Variants in ZNF529 observed in about 807,000 individuals in gnomAD.
ZNF529 encodes the protein zinc finger protein 529.
Under a neutral mutation model 10.1 loss-of-function variants are expected in ZNF529, and 11 were observed. The observed-to-expected ratio is 1.09, with a 90% CI of 0.69 to 1.81. ZNF529 has a LOEUF of 1.81. Ranked by LOEUF, ZNF529 falls within the 40% of genes most tolerant of loss-of-function variation. The pLI is 0.00. For synonymous variants in ZNF529, 204 were observed against 215.7 expected, an observed-to-expected ratio of 0.95 and a Z score of 0.47; for missense variants, 624 against 666.8, an observed-to-expected ratio of 0.94 and a Z score of 0.71.
intron 4 of ZNF529, chr19:36,552,127 C>A (rs577444640): frequency 6.6e-6 from 1 of 152,000 alleles, no homozygotes; most frequent in East Asian, 1.9e-4. Flanking sequence ...TTTTTTAAAA[C>A]AAACAAACAA....
intron 2 of ZNF529, among the ~76,000 whole-genome samples, chr19:36,565,708 GAAAGA>G (rs2035870962): frequency 6.6e-6 from 1 of 151,914 alleles, no homozygotes; most frequent in African/African-American, 2.4e-5. Flanking sequence ...TCAAAAAAAA[GAAAGA>G]AAAGAAAACA....
chr19:36,564,513 C>T (rs2035824711), intron 2 of ZNF529, among the ~76,000 whole-genome samples: 3 of 152,184 alleles, frequency 2.0e-5, no homozygotes, highest in African/African-American at 7.2e-5. Context: ...CACCACTAAT[C>T]ATCAGAGAAA....
intron 4 of ZNF529, among the ~76,000 whole-genome samples, chr19:36,553,829 C>T (rs1483300495): frequency 1.3e-5 from 2 of 152,172 alleles, no homozygotes; most frequent in African/African-American, 4.8e-5. Flanking sequence ...TGAGCACTGA[C>T]ATGATGCTAC....
At chr19:36,589,726 A>G (rs1279711808) in intron 1 of ZNF529, 1 of 152,198 alleles carries the variant, frequency 6.6e-6, no homozygotes, top group Admixed American at 6.5e-5. Context: ...AAGACAAAAA[A>G]TATCAGTGAA....
intron 2 of ZNF529, among the ~76,000 whole-genome samples, chr19:36,588,620 G>C (rs1395088380): frequency 6.6e-6 from 1 of 152,052 alleles, no homozygotes; most frequent in Non-Finnish European, 1.5e-5. Flanking sequence ...GTGAAAATCA[G>C]AACAGTGAAT....
At chr19:36,583,069 T>G (rs2036505823) in intron 2 of ZNF529, among the ~76,000 whole-genome samples, 1 of 152,092 alleles carries the variant, frequency 6.6e-6, no homozygotes, top group African/African-American at 2.4e-5. Flanking sequence ...GTTTGTTTGT[T>G]TGTTTGTTTG....
chr19:36,570,113 C>T (rs1355298528), intron 2 of ZNF529, among the ~76,000 whole-genome samples: 1 of 152,074 alleles, frequency 6.6e-6, no homozygotes, highest in Non-Finnish European at 1.5e-5. Flanking sequence ...GTAATTCCAA[C>T]ACTTTGGGAG....
chr19:36,563,022 C>T (rs894346272), intron 2 of ZNF529, among the ~76,000 whole-genome samples: 1 of 152,152 alleles, frequency 6.6e-6, no homozygotes, highest in Non-Finnish European at 1.5e-5. Flanking sequence ...GACATTTGAA[C>T]CTGATGATGC....
At chr19:36,568,540 C>T (rs1056378688) in intron 2 of ZNF529, among the ~76,000 whole-genome samples, 11 of 150,744 alleles carry the variant, frequency 7.3e-5, no homozygotes, top group African/African-American at 2.7e-4. Flanking sequence ...GGCATGATCT[C>T]GGCTCACTGC....
intron 2 of ZNF529, 65 bp from the exon 3 acceptor site, chr19:36,556,262 T>C: frequency 2.8e-6 from 2 of 718,940 alleles, no homozygotes; most frequent in South Asian, 1.5e-5. Context: ...GCTAGGAATG[T>C]ACAGCAAATG....
intron 4 of ZNF529, 54 bp from the exon 5 acceptor site, chr19:36,548,376 G>C (rs1450204014): frequency 7.0e-7 from 1 of 1,434,752 alleles, no homozygotes; most frequent in Admixed American, 2.8e-5. Flanking sequence ...AACAGTTATA[G>C]AAAGAAGAGA....
In ZNF529 at chr19:36,548,364, A is replaced by G. The variant is rs146780991; in HGVS notation, c.236-42T>C. 4.0e-4 allele frequency: 584 copies of G among 1,463,520 alleles called. 3 individuals carry two copies. The African/African-American group carries it at 7.7e-3, about 19-fold the overall frequency. The allele number at this position is 1,463,520 out of a possible 1,614,324, so 90.7% of individuals were successfully genotyped here. ...AATAATTTTCATGTACTACAAAAAT[A>G]AAACAGTTATAGAAAGAAGAGACAA... On this transcript the variant is annotated intron_variant, in intron 4 of 4. Coordinates refer to ENST00000591340, the MANE Select transcript of ZNF529 (RefSeq NM_020951.5).
At chr19:36,553,638 A>G (rs1208988528) in intron 4 of ZNF529, among the ~76,000 whole-genome samples, 4 of 152,232 alleles carry the variant, frequency 2.6e-5, no homozygotes, top group Non-Finnish European at 4.4e-5. Flanking sequence ...CCATCAATAT[A>G]TAAATTGTAG....
chr19:36,574,968 T>C, upstream of ZNF529: 1 of 464,434 alleles, frequency 2.2e-6, no homozygotes, highest in East Asian at 7.0e-5. Context: ...GATTTGTGTG[T>C]GTGAGATTGT....
In ZNF529 at chr19:36,602,661, G is replaced by A. The variant is rs986467405; in HGVS notation, c.-128+2465C>T. Among the ~76,000 whole-genome samples the A allele has an allele frequency of 4.6e-5, 7 of 151,836 alleles. No homozygotes were observed. The South Asian group carries it at 1.5e-3, about 32-fold the overall frequency. On this transcript the variant is annotated intron_variant, in intron 1 of 4. Transcript: ENST00000585960. ...AAAAAACACCTGGCCGGGCACGGTG[G>A]CTCACGCCTGTAATCCCAGCACTTT...
At chr19:36,590,325 T>C (rs2036677675) in intron 1 of ZNF529, among the ~76,000 whole-genome samples, 1 of 151,882 alleles carries the variant, frequency 6.6e-6, no homozygotes, top group Admixed American at 6.6e-5. Context: ...CAGTGAGCCA[T>C]GATCACACCA....
At chr19:36,586,131 T>C (rs2036574186) in intron 2 of ZNF529, among the ~76,000 whole-genome samples, 1 of 152,232 alleles carries the variant, frequency 6.6e-6, no homozygotes, top group Non-Finnish European at 1.5e-5. Flanking sequence ...TCGACTCCAT[T>C]TTCCATTTCC....
intron 2 of ZNF529, among the ~76,000 whole-genome samples, chr19:36,567,014 CAA>C (rs369708887): frequency 9.0e-5 from 11 of 121,730 alleles, no homozygotes; most frequent in Admixed American, 8.5e-5. Flanking sequence ...AGACTGTCTC[CAA>C]AAAAAAAAAA....
At chr19:36,598,085 C>A (rs1285675822) in intron 1 of ZNF529, among the ~76,000 whole-genome samples, 3 of 152,176 alleles carry the variant, frequency 2.0e-5, no homozygotes, top group East Asian at 1.9e-4. Flanking sequence ...GGTCAGGTCA[C>A]GAGAGCTGCA....
Sources: allele counts gnomAD v4.1 joint callset (sites outside exome capture counted in the v4.1 genomes callset), GRCh38; gene constraint gnomAD v4.1.1; transcripts MANE v1.5; gene names NCBI Gene and HGNC (gene_info 2026-07-23, HGNC 2026-07-21).